Variants in CALN1 observed in about 807,000 individuals in gnomAD.
CALN1 encodes calneuron 1.
A neutral mutation model predicts 30.6 loss-of-function variants in CALN1; 17 were observed. The observed-to-expected ratio is 0.56, with a 90% CI of 0.38 to 0.83. CALN1 has a LOEUF of 0.83. Ranked by LOEUF, CALN1 falls within the 40% of genes least tolerant of loss-of-function variation. CALN1 has a pLI of 0.00. For missense variants in CALN1, 291 were observed against 354.9 expected (o/e 0.82, Z 1.45); for synonymous variants, 156 against 131.4 (o/e 1.19, Z -1.28).
intron 4 of CALN1, among the ~76,000 whole-genome samples, chr7:72,057,109 T>C (rs934963713): frequency 7.7e-6 from 1 of 129,208 alleles, no homozygotes; most frequent in Non-Finnish European, 1.7e-5. Context: ...CCCACCTGTT[T>C]TTTAAAAAAA....
chr7:72,247,223 CTTTCTTTTTT>C (rs1795235824), intron 3 of CALN1, among the ~76,000 whole-genome samples: 6 of 43,520 alleles, frequency 1.4e-4, no homozygotes, highest in African/African-American at 3.6e-4. Flanking sequence ...AGACCATTTT[CTTTCTTTTTT>C]TTTTTTTTTT....
At chr7:72,117,901 T>C (rs1164687018) in intron 3 of CALN1, among the ~76,000 whole-genome samples, 1 of 147,492 alleles carries the variant, frequency 6.8e-6, no homozygotes, top group Non-Finnish European at 1.5e-5. Context: ...GAGGTTGCAG[T>C]GAGCCGAGAT....
At chr7:71,880,618 G>A (rs370494044) in intron 5 of CALN1, among the ~76,000 whole-genome samples, 94 of 152,130 alleles carry the variant, frequency 6.2e-4, no homozygotes, top group African/African-American at 2.1e-3. Flanking sequence ...AACTGCTTAC[G>A]AAACATCTCC....
chr7:72,205,106 C>A (rs1013515637), intron 3 of CALN1, among the ~76,000 whole-genome samples: 21 of 152,048 alleles, frequency 1.4e-4, no homozygotes, highest in Non-Finnish European at 2.5e-4. Flanking sequence ...GTTGGGGATT[C>A]TTCTCTGTAG....
intron 5 of CALN1, among the ~76,000 whole-genome samples, chr7:71,992,053 T>C (rs1190111115): frequency 6.6e-6 from 1 of 152,226 alleles, no homozygotes; most frequent in East Asian, 1.9e-4. Context: ...GTTTTAGAAA[T>C]TGTAAATGAT....
intron 4 of CALN1, among the ~76,000 whole-genome samples, chr7:72,040,719 C>T (rs974318366): frequency 1.3e-5 from 2 of 152,060 alleles, no homozygotes; most frequent in Non-Finnish European, 2.9e-5. Flanking sequence ...CATGTGCAAA[C>T]CAAGGAGAGA....
chr7:72,361,549 G>C (rs959147423), intron 2 of CALN1, among the ~76,000 whole-genome samples: 5 of 152,076 alleles, frequency 3.3e-5, no homozygotes, highest in African/African-American at 1.2e-4. Flanking sequence ...TTTAACTCCA[G>C]AGATTAATTT....
chr7:72,007,462 A>T (rs1047929517), intron 5 of CALN1, among the ~76,000 whole-genome samples: 2 of 152,132 alleles, frequency 1.3e-5, no homozygotes, highest in African/African-American at 4.8e-5. Flanking sequence ...CAGGAGAATC[A>T]CTTGAACCCA....
rs1012847944 is a variant in CALN1 at position 72,159,281 on chromosome 7, G to C, written c.245-52987C>G. ...TATGCTGTGCAATGCTAGGACACTT[G>C]TGGTAGAGATTTAAAGAACTAGAGC... On this transcript the variant is annotated intron_variant, in intron 3 of 6. Transcript: ENST00000395275. Among the ~76,000 whole-genome samples, 3 of 152,306 alleles carry C rather than the reference G, an allele frequency of 2.0e-5. No individual in the cohort carries two copies. In the South Asian group the frequency reaches 6.2e-4, roughly 32 times the overall value.
At chr7:71,968,729 T>C (rs115070094) in intron 5 of CALN1, among the ~76,000 whole-genome samples, 2,230 of 151,814 alleles carry the variant, frequency 0.015, 47 homozygotes, top group African/African-American at 0.052. Flanking sequence ...GCTAGTTAGA[T>C]GAGTGCATAA....
chr7:71,959,111 A>T (rs1797111522), intron 5 of CALN1, among the ~76,000 whole-genome samples: 1 of 152,226 alleles, frequency 6.6e-6, no homozygotes, highest in Admixed American at 6.5e-5. Context: ...GAGAGAAAGC[A>T]AACTGAATGG....
intron 2 of CALN1, among the ~76,000 whole-genome samples, chr7:72,374,401 C>A (rs988416527): frequency 1.3e-5 from 2 of 151,612 alleles, no homozygotes; most frequent in African/African-American, 4.8e-5. Flanking sequence ...TGGTGGAGGG[C>A]GCCTGTAATC....
the CALN1 span, among the ~76,000 whole-genome samples, chr7:72,492,871 C>T: frequency 6.6e-6 from 1 of 152,186 alleles, no homozygotes; most frequent in African/African-American, 2.4e-5. Flanking sequence ...ATGTTCGATC[C>T]TCAGAAAATC....
chr7:71,895,489 A>G (rs932507969), intron 5 of CALN1, among the ~76,000 whole-genome samples: 1 of 152,220 alleles, frequency 6.6e-6, no homozygotes, highest in African/African-American at 2.4e-5. Flanking sequence ...CAAGAGTGAC[A>G]TGACTCATTT....
intron 4 of CALN1, among the ~76,000 whole-genome samples, chr7:72,080,066 T>C (rs1171405592): frequency 2.0e-5 from 3 of 151,866 alleles, no homozygotes; most frequent in Non-Finnish European, 2.9e-5. Flanking sequence ...CCACCGCACC[T>C]GGCCCAAGAG....
At chr7:72,323,365 T>C (rs1328179716) in intron 2 of CALN1, among the ~76,000 whole-genome samples, 2 of 152,344 alleles carry the variant, frequency 1.3e-5, no homozygotes, top group East Asian at 1.9e-4. Context: ...ACTAGCATCT[T>C]GGTAGTCCCA....
chr7:72,386,766 G>C (rs1436603516), intron 2 of CALN1, among the ~76,000 whole-genome samples: 1 of 152,020 alleles, frequency 6.6e-6, no homozygotes, highest in Non-Finnish European at 1.5e-5. Flanking sequence ...ATTCTGAGTA[G>C]CTGGGGCTAC....
intron 4 of CALN1, among the ~76,000 whole-genome samples, chr7:72,097,389 A>T (rs1806310260): frequency 6.6e-6 from 1 of 152,208 alleles, no homozygotes; most frequent in South Asian, 2.1e-4. Flanking sequence ...TCCCCAGTGA[A>T]TGATGCAGGA....
intron 5 of CALN1, among the ~76,000 whole-genome samples, chr7:71,931,551 G>A (rs146380246): frequency 1.3e-5 from 2 of 152,308 alleles, no homozygotes; most frequent in African/African-American, 2.4e-5. Flanking sequence ...ACAAGCATGC[G>A]CCACCGCGCC....
Sources: gnomAD v4.1 joint callset for allele counts (sites outside exome capture counted in the v4.1 genomes callset) on GRCh38, gnomAD v4.1.1 for gene constraint, MANE v1.5 for transcripts, NCBI Gene and HGNC (gene_info 2026-07-23, HGNC 2026-07-21) for gene names.